Variants in NID2 observed in about 807,000 individuals in gnomAD.
NID2 encodes nidogen-2.
In NID2, 83 loss-of-function variants were observed where a neutral mutation model predicts 145.4. The ratio of observed to expected loss-of-function variants is 0.57; its 90% CI spans 0.48 to 0.69. NID2 has a LOEUF of 0.69. Ranked by LOEUF, NID2 falls within the 30% of genes least tolerant of loss-of-function variation. NID2 has a pLI of 0.00. For synonymous variants in NID2, 739 were observed against 701.3 expected (o/e 1.05, Z -0.85); for missense variants, 1,807 against 1,765.7 (o/e 1.02, Z -0.42).
At chr14:52,028,522 T>G (rs2140375008) in intron 11 of NID2, 200 bp downstream of exon 11, 1 of 463,620 alleles carries the variant, frequency 2.2e-6, no homozygotes, top group East Asian at 4.1e-5. Flanking sequence ...GCGATCCACC[T>G]GCCTCAGCCT....
Position 52,068,074 on chromosome 14 carries a change from G to T in NID2, c.318C>A (p.Ile106=). ...DYDFPTDFPA[I]APFLADIDTS... ...TGTCGATGTCCGCCAGAAAAGGGGCGATGGCCGGGAAGTCGGTGGGGAAAT... is the reference window on the plus strand; with the variant it reads ...TGTCGATGTCCGCCAGAAAAGGGGCTATGGCCGGGAAGTCGGTGGGGAAAT... Residue 106 remains isoleucine (I), a synonymous_variant, in exon 2 of 22, where the codon ATC becomes ATA. Coordinates refer to ENST00000216286, the MANE Select transcript of NID2 (RefSeq NM_007361.4). 1 of 1,613,786 alleles carries T rather than the reference G, an allele frequency of 6.2e-7. No individual in the cohort carries two copies. The highest frequency in any genetic ancestry group is 8.5e-7 in the Non-Finnish European group (1 of 1,179,932).
At chr14:52,016,316 C>T (rs17124887) in intron 14 of NID2, among the ~76,000 whole-genome samples, 15,363 of 152,234 alleles carry the variant, frequency 0.1, 811 homozygotes, top group Non-Finnish European at 0.11. Context: ...ACTTAAAGCA[C>T]ATGGTCTGCA....
At chr14:52,034,748 G>A (rs1047390293) in intron 9 of NID2, among the ~76,000 whole-genome samples, 26 of 152,198 alleles carry the variant, frequency 1.7e-4, no homozygotes, top group Non-Finnish European at 2.9e-4. Context: ...ACCTCACTGA[G>A]GAGCTAACTC....
At position 52,068,857 on chromosome 14, in the gene NID2, C is replaced by G. The variant is rs540369228; in HGVS notation, c.138G>C (p.Gln46His). ...TTTCGTCGTCGCCTTCCTGCAGGAG[C>G]TGGTCCCCCCACGACTCCCCGTGTG... is the stretch of plus-strand genomic sequence containing the variant. Reference protein sequence around the residue: ...LFPHGESWGDQLLQEGDDESS... With the variant: ...LFPHGESWGDHLLQEGDDESS... The change falls in exon 1 of 22, where the codon CAG becomes CAC. Residue 46 changes from glutamine to histidine, a missense_variant. Physicochemically the swap from Gln to His is conservative, Grantham distance 24. Coordinates refer to ENST00000216286, the MANE Select transcript of NID2 (RefSeq NM_007361.4). 1 of 1,613,714 alleles carries G rather than the reference C, an allele frequency of 6.2e-7. No individual in the cohort carries two copies. The highest frequency in any genetic ancestry group is 1.1e-5 in the South Asian group (1 of 91,090).
rs538651248 is a variant in NID2 at position 52,038,583 on chromosome 14, C to G, written c.2257+164G>C. Among the ~76,000 whole-genome samples, 74 of 152,256 alleles carry G rather than the reference C, an allele frequency of 4.9e-4. No homozygotes were observed. The South Asian group carries it at 7.7e-3, about 16-fold the overall frequency. On this transcript the variant is annotated intron_variant, in intron 9 of 21. Coordinates refer to ENST00000216286, the MANE Select transcript of NID2 (RefSeq NM_007361.4). ...CTGTTCCCTGCCCTAAAACTCTTTTCTGCCTCTGTTTCCAACTCAAGGGCA... is the reference window on the plus strand; with the variant it reads ...CTGTTCCCTGCCCTAAAACTCTTTTGTGCCTCTGTTTCCAACTCAAGGGCA...
In NID2 at chr14:52,005,400, T is replaced by TTTTAC. The variant is rs1439344139; in HGVS notation, c.*81_*85dup. 1.3e-5 allele frequency: 18 copies of TTTTAC among 1,353,348 alleles called. No homozygotes were observed. The highest frequency in any genetic ancestry group is 1.3e-5 in the Non-Finnish European group (13 of 1,011,216). 83.8% of individuals were successfully genotyped at this position (1,353,348 alleles called of 1,614,324 possible). A position where few individuals can be genotyped will look rare whatever the true frequency, so the allele number is the denominator to read the frequency against. ...AGGAACGTCTAATGGCCAATTCCTT[T>TTTTAC]TTTACTTTCTTTGCCTTTGCAGTCA... On this transcript the variant is annotated 3_prime_UTR_variant, in exon 22 of 22. Coordinates refer to ENST00000216286, the MANE Select transcript of NID2 (RefSeq NM_007361.4).
chr14:52,020,503 T>G (rs973761815), intron 12 of NID2, among the ~76,000 whole-genome samples: 2 of 152,254 alleles, frequency 1.3e-5, no homozygotes, highest in African/African-American at 4.8e-5. Context: ...TTATTACCTT[T>G]GAACTAACCT....
chr14:52,030,576 G>C (rs55677513), intron 9 of NID2, among the ~76,000 whole-genome samples: 22,184 of 61,140 alleles, frequency 0.36, 4,026 homozygotes, highest in Non-Finnish European at 0.43. Flanking sequence ...AAGGAAGGAA[G>C]GGAAAGAAAG....
chr14:52,053,377 G>C (rs1190806841), intron 5 of NID2, among the ~76,000 whole-genome samples: 1 of 152,198 alleles, frequency 6.6e-6, no homozygotes, highest in Non-Finnish European at 1.5e-5. Flanking sequence ...ATGATCAAGA[G>C]ATTCCGAACA....
chr14:52,035,131 C>T (rs905580690), intron 9 of NID2, among the ~76,000 whole-genome samples: 1 of 152,142 alleles, frequency 6.6e-6, no homozygotes, highest in Admixed American at 6.5e-5. Flanking sequence ...TTAACTAATG[C>T]CCATAGTCTG....
chr14:52,043,227 G>A (rs1440461796), intron 5 of NID2, among the ~76,000 whole-genome samples: 2 of 152,160 alleles, frequency 1.3e-5, no homozygotes, highest in African/African-American at 4.8e-5. Flanking sequence ...TACATGTTAG[G>A]TTGAACTTCA....
chr14:52,040,339 T>C (rs1293382854), intron 8 of NID2, among the ~76,000 whole-genome samples: 1 of 152,182 alleles, frequency 6.6e-6, no homozygotes, highest in South Asian at 2.1e-4. Context: ...TTTTTCCATG[T>C]TGCAGAAAGT....
At chr14:52,061,466 G>A (rs557190790) in intron 2 of NID2, among the ~76,000 whole-genome samples, 1 of 152,342 alleles carries the variant, frequency 6.6e-6, no homozygotes, top group Non-Finnish European at 1.5e-5. Context: ...GACAGGCTTT[G>A]CCCAGGAGAG....
intron 12 of NID2, 145 bp downstream of exon 12, chr14:52,027,056 G>C: frequency 1.3e-6 from 1 of 775,970 alleles, no homozygotes; most frequent in Admixed American, 4.3e-5. Context: ...TAACTCAAAG[G>C]ACGCTTTTTT....
At position 52,038,857 on chromosome 14, in the gene NID2, G is replaced by A. The variant is rs111540553; in HGVS notation, c.2147C>T (p.Pro716Leu). ...YQVCRHAPRH[P>L]SFPTTQQLNV... ...CAGCTGCTGGGTGGTGGGGAAGGACGGGTGTCTGGGGGCGTGCCTGCACAC... is the reference window on the plus strand; with the variant it reads ...CAGCTGCTGGGTGGTGGGGAAGGACAGGTGTCTGGGGGCGTGCCTGCACAC... The change falls in exon 9 of 22, where the codon CCG (proline) becomes CTG (leucine). Residue 716 changes from proline to leucine, a missense_variant. Coordinates refer to ENST00000216286, the MANE Select transcript of NID2 (RefSeq NM_007361.4). 9.3e-6 allele frequency: 15 copies of A among 1,614,108 alleles called. No homozygotes were observed. Among genetic ancestry groups the A allele is most frequent in the Non-Finnish European group, 8.5e-6 (10 of 1,180,012 alleles).
At chr14:52,051,471 G>A (rs1352347534) in intron 5 of NID2, among the ~76,000 whole-genome samples, 1 of 152,168 alleles carries the variant, frequency 6.6e-6, no homozygotes, top group African/African-American at 2.4e-5. Flanking sequence ...CCAAAACCAT[G>A]TGCTTTCTAT....
intron 5 of NID2, among the ~76,000 whole-genome samples, chr14:52,046,304 CAG>C (rs1163704181): frequency 1.8e-5 from 2 of 109,090 alleles, no homozygotes; most frequent in African/African-American, 7.6e-5. Context: ...GCCTGGGCGA[CAG>C]AGAGAGACTC....
At chr14:52,065,060 T>A (rs1200005978) in intron 2 of NID2, among the ~76,000 whole-genome samples, 1 of 151,876 alleles carries the variant, frequency 6.6e-6, no homozygotes, top group Non-Finnish European at 1.5e-5. Flanking sequence ...AATCTCAGAT[T>A]AACTGAATTG....
intron 5 of NID2, among the ~76,000 whole-genome samples, chr14:52,050,517 G>A (rs1892647738): frequency 6.6e-6 from 1 of 152,138 alleles, no homozygotes; most frequent in Non-Finnish European, 1.5e-5. Context: ...TCATGACTTT[G>A]TTGCAGTCTT....
Sources: allele counts gnomAD v4.1 joint callset (sites outside exome capture counted in the v4.1 genomes callset), GRCh38; gene constraint gnomAD v4.1.1; transcripts MANE v1.5; gene names NCBI Gene and HGNC (gene_info 2026-07-23, HGNC 2026-07-21).